Variants in LUC7L2 observed in about 807,000 individuals in gnomAD.
LUC7L2 encodes putative RNA-binding protein Luc7-like 2.
In LUC7L2, 25 loss-of-function variants were observed where a neutral mutation model predicts 52.8. The ratio of observed to expected loss-of-function variants is 0.47; its 90% CI spans 0.34 to 0.66. The LOEUF is 0.66. LUC7L2 is among the 30% of genes least tolerant of loss of function. LUC7L2 has a pLI of 0.01. For missense variants in LUC7L2, 328 were observed against 497.8 expected (o/e 0.66, Z 3.25); for synonymous variants, 144 against 160.9 (o/e 0.89, Z 0.80).
At position 139,364,045 on chromosome 7, in the gene LUC7L2, G is replaced by A. The variant is rs185477966; in HGVS notation, c.61+3723G>A. ...TGCCCAGGCTGGAGTGCAGTGGCAC[G>A]ATCTCGGCTCACTGCTACAACCTCC... On this transcript the variant is annotated intron_variant, in intron 1 of 9. Coordinates refer to ENST00000354926, the MANE Select transcript of LUC7L2 (RefSeq NM_016019.5). Among the ~76,000 whole-genome samples the A allele has an allele frequency of 1.1e-4, 15 of 134,814 alleles. No individual in the cohort carries two copies. The East Asian group carries it at 3.1e-3, about 28-fold the overall frequency. The allele number at this position is 134,814 out of a possible 152,430, so 88.4% of individuals were successfully genotyped here. A position where few individuals can be genotyped will look rare whatever the true frequency, so the allele number is the denominator to read the frequency against.
intron 1 of LUC7L2, among the ~76,000 whole-genome samples, chr7:139,367,273 T>C (rs1285132955): frequency 1.3e-5 from 2 of 152,082 alleles, no homozygotes; most frequent in African/African-American, 2.4e-5. Flanking sequence ...TGCCTGGCCT[T>C]GCCTTTATTA....
chr7:139,375,265 G>A (rs764368140), intron 1 of LUC7L2: 21 of 984,782 alleles, frequency 2.1e-5, no homozygotes, highest in Non-Finnish European at 2.4e-5. Context: ...CAGGTTGGAT[G>A]CTTCTGTTGC....
At chr7:139,355,895 T>A (rs1799591071), upstream of LUC7L2, among the ~76,000 whole-genome samples, 1 of 152,224 alleles carries the variant, frequency 6.6e-6, no homozygotes, top group African/African-American at 2.4e-5. Flanking sequence ...GAAAACTCAT[T>A]GTTCAATGAG....
rs1286474680 is a variant in LUC7L2 at position 139,423,132 on chromosome 7, T to A, written c.*792T>A. The A allele has an allele frequency of 2.3e-5, 9 of 398,748 alleles. No individual in the cohort carries two copies. Among genetic ancestry groups the A allele is most frequent in the East Asian group, 3.6e-5 (1 of 28,092 alleles). The allele number at this position is 398,748 out of a possible 1,614,324, so 24.7% of individuals were successfully genotyped here. A position where few individuals can be genotyped will look rare whatever the true frequency, so the allele number is the denominator to read the frequency against. On this transcript the variant is annotated 3_prime_UTR_variant, in exon 10 of 10. Coordinates refer to ENST00000354926, the MANE Select transcript of LUC7L2 (RefSeq NM_016019.5). Reference sequence around the variant, plus strand: ...CCTTATTGTAAAAAAATAATAATAATAAAATGAAAGAAACAATCACCACCA... The same window carrying A: ...CCTTATTGTAAAAAAATAATAATAAAAAAATGAAAGAAACAATCACCACCA...
chr7:139,373,919 T>C (rs1800581351), intron 1 of LUC7L2, among the ~76,000 whole-genome samples: 1 of 152,152 alleles, frequency 6.6e-6, no homozygotes, highest in African/African-American at 2.4e-5. Flanking sequence ...TTTGTTTTGT[T>C]TTGTTTTTGT....
At chr7:139,341,501 G>T in intron 1 of LUC7L2, 1 of 1,613,668 alleles carries the variant, frequency 6.2e-7, no homozygotes. Context: ...GGTACCTTGT[G>T]AAGGCTTTCC....
chr7:139,368,737 C>CAAAA (rs779546165), intron 1 of LUC7L2, among the ~76,000 whole-genome samples: 20,810 of 109,992 alleles, frequency 0.19, 1,816 homozygotes, highest in Middle Eastern at 0.3. Context: ...GACACCGTCT[C>CAAAA]AAAAAAAAAA....
intron 1 of LUC7L2, among the ~76,000 whole-genome samples, 186 bp downstream of exon 1, chr7:139,360,508 A>G (rs950801530): frequency 6.6e-6 from 1 of 152,220 alleles, no homozygotes; most frequent in African/African-American, 2.4e-5. Flanking sequence ...GGCGGTGACC[A>G]TGCGGATTGG....
intron 1 of LUC7L2, among the ~76,000 whole-genome samples, chr7:139,350,389 A>G (rs144032303): frequency 1.2e-3 from 189 of 151,748 alleles, no homozygotes; most frequent in African/African-American, 3.8e-3. Context: ...CCAAAGTGCT[A>G]GGATTACAGG....
intron 9 of LUC7L2, among the ~76,000 whole-genome samples, chr7:139,419,784 T>A (rs1795802982): frequency 6.6e-6 from 1 of 152,230 alleles, no homozygotes; most frequent in Admixed American, 6.5e-5. Context: ...AGCATGTTCA[T>A]AAAGAGGATT....
rs1420059487 is a variant in LUC7L2, at chr7:139,422,640, G to A, written c.*300G>A. The A allele has an allele frequency of 9.8e-6, 5 of 512,478 alleles. No homozygotes were observed. The highest frequency in any genetic ancestry group is 9.6e-5 in the South Asian group (1 of 10,436). The allele number at this position is 512,478 out of a possible 1,614,324, so 31.7% of individuals were successfully genotyped here. A position where few individuals can be genotyped will look rare whatever the true frequency, so the allele number is the denominator to read the frequency against. On this transcript the variant is annotated 3_prime_UTR_variant, in exon 10 of 10. Transcript: ENST00000354926. ...GTGAACAAATTGTGTTACTTGCCTTGGGATTTTTTGAACGTTTGTAAAATG... is the reference window on the plus strand; with the variant it reads ...GTGAACAAATTGTGTTACTTGCCTTAGGATTTTTTGAACGTTTGTAAAATG...
At position 139,397,076 on chromosome 7, in the gene LUC7L2, T is replaced by C. The variant is rs145784622; in HGVS notation, c.157-1523T>C. Among the ~76,000 whole-genome samples, 11 of 152,358 alleles carry C rather than the reference T, an allele frequency of 7.2e-5. No homozygotes were observed. The East Asian group carries it at 2.1e-3, about 29-fold the overall frequency. On this transcript the variant is annotated intron_variant, in intron 2 of 9. Coordinates refer to ENST00000354926, the MANE Select transcript of LUC7L2 (RefSeq NM_016019.5). ...CAAGTTAAATAGGCATACTCATTTT[T>C]AGATACTGTATACAAAGCTAAGGCT... is the stretch of plus-strand genomic sequence containing the variant.
intron 1 of LUC7L2, among the ~76,000 whole-genome samples, chr7:139,349,919 T>C (rs1193054293): frequency 6.6e-6 from 1 of 152,216 alleles, no homozygotes; most frequent in Non-Finnish European, 1.5e-5. Flanking sequence ...AGTAAAGCTA[T>C]GTAACATTTC....
At chr7:139,421,954 TCTG>T (rs1795928046) in intron 9 of LUC7L2, among the ~76,000 whole-genome samples, 2 of 152,228 alleles carry the variant, frequency 1.3e-5, no homozygotes, top group Admixed American at 6.5e-5. Flanking sequence ...CTTCTGACCC[TCTG>T]CTATTTGTTT....
Position 139,417,640 on chromosome 7 carries a change from G to T in LUC7L2, c.912G>T (p.Arg304Ser). Residue 304 changes from arginine to serine, a missense_variant, in exon 9 of 10, where the codon AGG becomes AGT. This residue lies in a region of LUC7L2 where 195 missense variants were observed against 223.3 expected (regional missense o/e 0.87). Coordinates refer to ENST00000354926, the MANE Select transcript of LUC7L2 (RefSeq NM_016019.5). ...SKSREKRHRHRSRSSSRSRSR... is the reference protein window; with the variant it reads ...SKSREKRHRHSSRSSSRSRSR... Reference sequence around the variant, plus strand: ...CTCGGGAGAAACGCCATCGCCACAGGTCCCGCTCCAGCAGCCGTAGCCGCA... The same window carrying T: ...CTCGGGAGAAACGCCATCGCCACAGTTCCCGCTCCAGCAGCCGTAGCCGCA... The T allele has an allele frequency of 6.2e-7, 1 of 1,614,152 alleles. No individual in the cohort carries two copies. The highest frequency in any genetic ancestry group is 1.3e-5 in the African/African-American group (1 of 75,052).
intron 3 of LUC7L2, among the ~76,000 whole-genome samples, chr7:139,400,306 C>T (rs1794851015): frequency 6.6e-6 from 1 of 152,054 alleles, no homozygotes; most frequent in Non-Finnish European, 1.5e-5. Context: ...GTCAGTAGTT[C>T]AAGACCAGCC....
chr7:139,413,243 C>A (rs1176349391), intron 8 of LUC7L2, among the ~76,000 whole-genome samples: 3 of 152,162 alleles, frequency 2.0e-5, no homozygotes, highest in Admixed American at 2.0e-4. Flanking sequence ...CTGAGAAAGG[C>A]AGGGAAATGT....
intron 1 of LUC7L2, chr7:139,341,025 C>A (rs892326483): frequency 4.7e-6 from 1 of 210,596 alleles, no homozygotes; most frequent in African/African-American, 2.3e-5. Context: ...TGTTCCATAT[C>A]AAATCCACAC....
Position 139,406,926 on chromosome 7 carries a change from A to G in LUC7L2, c.511-248A>G, listed in dbSNP as rs143514560. 1.8e-3 allele frequency among the ~76,000 whole-genome samples: 271 copies of G among 148,892 alleles called. 1 individual carries two copies. The highest frequency in any genetic ancestry group is 6.2e-3 in the African/African-American group (251 of 40,502). On this transcript the variant is annotated intron_variant, in intron 5 of 9. Transcript: ENST00000354926. ...TTATTATTTCCTTATACTCCAGTGG[A>G]GAGAGGCGCTAAGGATAGAGGATGG...
Sources: allele counts gnomAD v4.1 joint callset (sites outside exome capture counted in the v4.1 genomes callset), GRCh38; gene constraint gnomAD v4.1.1; regional missense constraint gnomAD v4.1.1; transcripts MANE v1.5; gene names NCBI Gene and HGNC (gene_info 2026-07-23, HGNC 2026-07-21).